Variants in LRRTM4 observed in about 807,000 individuals in gnomAD.
LRRTM4 encodes leucine-rich repeat transmembrane neuronal protein 4.
Under a neutral mutation model 47.6 loss-of-function variants are expected in LRRTM4, and 25 were observed. The ratio of observed to expected loss-of-function variants is 0.53; its 90% CI spans 0.38 to 0.73. The LOEUF is 0.73. Among genes scored for constraint, LRRTM4 ranks in the 30% least tolerant of loss-of-function variants. The pLI, the probability that LRRTM4 is intolerant of heterozygous loss-of-function variation, is 0.00. For synonymous variants in LRRTM4, 311 were observed against 269.5 expected, an observed-to-expected ratio of 1.15 and a Z score of -1.51; for missense variants, 638 against 713.4, an observed-to-expected ratio of 0.89 and a Z score of 1.20.
At chr2:76,755,408 T>C (rs185633136) in intron 3 of LRRTM4, among the ~76,000 whole-genome samples, 2 of 152,280 alleles carry the variant, frequency 1.3e-5, no homozygotes, top group Admixed American at 1.3e-4. Context: ...TGATCTGTGA[T>C]TACTAACTCC....
intron 3 of LRRTM4, among the ~76,000 whole-genome samples, chr2:76,782,303 A>G (rs1205124664): frequency 6.6e-6 from 1 of 152,230 alleles, no homozygotes; most frequent in African/African-American, 2.4e-5. Flanking sequence ...AACTACAGCT[A>G]CAGATCTAAA....
chr2:77,026,517 G>A (rs1678459469), intron 3 of LRRTM4, among the ~76,000 whole-genome samples: 1 of 151,964 alleles, frequency 6.6e-6, no homozygotes, highest in South Asian at 2.1e-4. Context: ...ATTTTAAATT[G>A]TATTGCATAT....
At chr2:76,894,523 C>A (rs996949865) in intron 3 of LRRTM4, among the ~76,000 whole-genome samples, 1 of 152,014 alleles carries the variant, frequency 6.6e-6, no homozygotes, top group Non-Finnish European at 1.5e-5. Flanking sequence ...TAGCCAAAAA[C>A]AACAGGTCAG....
At chr2:76,908,943 C>T (rs1573297086) in intron 3 of LRRTM4, among the ~76,000 whole-genome samples, 1 of 152,106 alleles carries the variant, frequency 6.6e-6, no homozygotes. Context: ...GATTCAATGC[C>T]ATCCCCATCA....
chr2:76,761,951 C>A (rs72917772), intron 3 of LRRTM4, among the ~76,000 whole-genome samples: 2,124 of 152,228 alleles, frequency 0.014, 53 homozygotes, highest in African/African-American at 0.047. Context: ...TCACATAATT[C>A]ATGAAATTCG....
At chr2:77,267,295 T>TA in intron 3 of LRRTM4, among the ~76,000 whole-genome samples, 1 of 152,198 alleles carries the variant, frequency 6.6e-6, no homozygotes, top group East Asian at 1.9e-4. Flanking sequence ...GGGTAATTTA[T>TA]AACAATAGAG....
At chr2:76,808,445 G>GGA (rs1553412924) in intron 3 of LRRTM4, among the ~76,000 whole-genome samples, 3 of 147,204 alleles carry the variant, frequency 2.0e-5, no homozygotes, top group Admixed American at 6.7e-5. Flanking sequence ...TTGATTTTGG[G>GGA]AAAAAAAAAA....
chr2:76,782,449 T>C lies in LRRTM4; in HGVS notation c.1552-33533A>G, dbSNP rs146803501. Among the ~76,000 whole-genome samples the C allele has an allele frequency of 4.4e-3, 676 of 152,316 alleles. 7 individuals are homozygous for C. The highest frequency in any genetic ancestry group is 0.016 in the African/African-American group (645 of 41,564). Reference sequence around the variant, plus strand: ...TTATTTAAGGTTTACGATATTGCACTAAACATGTTTTAAGCAAATATTCAC... The same window carrying C: ...TTATTTAAGGTTTACGATATTGCACCAAACATGTTTTAAGCAAATATTCAC... On this transcript the variant is annotated intron_variant, in intron 3 of 3. Transcript: ENST00000409884.
chr2:77,020,162 G>T (rs780551060), intron 3 of LRRTM4, among the ~76,000 whole-genome samples: 1 of 132,614 alleles, frequency 7.5e-6, no homozygotes, highest in Non-Finnish European at 1.5e-5. Context: ...GAAATTTTCA[G>T]TTTATAAGTA....
Position 77,421,706 on chromosome 2 carries a change from C to CAA in LRRTM4, c.1551+96610_1551+96611dup, listed in dbSNP as rs1292134203. On this transcript the variant is annotated intron_variant, in intron 3 of 3. Coordinates refer to ENST00000409884, the MANE Select transcript of LRRTM4 (RefSeq NM_001134745.3). Reference sequence around the variant, plus strand: ...TGGGCGGCAGAGGGAGACTCCATCTCAAAAAAAAAAAGGAAGAGTCCAGAC... The same window carrying CAA: ...TGGGCGGCAGAGGGAGACTCCATCTCAAAAAAAAAAAAAGGAAGAGTCCAGAC... 9.0e-3 allele frequency among the ~76,000 whole-genome samples: 1,253 copies of CAA among 139,516 alleles called. 20 individuals are homozygous for CAA. The highest frequency in any genetic ancestry group is 0.031 in the African/African-American group (1,196 of 38,446). The allele number at this position is 139,516 out of a possible 152,430, so 91.5% of individuals were successfully genotyped here.
At chr2:77,167,374 C>A (rs1193616537) in intron 3 of LRRTM4, among the ~76,000 whole-genome samples, 1 of 152,126 alleles carries the variant, frequency 6.6e-6, no homozygotes, top group Admixed American at 6.6e-5. Flanking sequence ...CTAGTTCAAC[C>A]ATTGTGGAAG....
intron 3 of LRRTM4, among the ~76,000 whole-genome samples, chr2:76,887,089 G>C (rs984516569): frequency 6.6e-6 from 1 of 151,640 alleles, no homozygotes; most frequent in Non-Finnish European, 1.5e-5. Context: ...GCTAATACGA[G>C]AATGCACAGA....
At chr2:77,271,676 AATT>A (rs1415287097) in intron 3 of LRRTM4, among the ~76,000 whole-genome samples, 15 of 152,194 alleles carry the variant, frequency 9.9e-5, no homozygotes, top group African/African-American at 2.9e-4. Flanking sequence ...TTCCCCCTCT[AATT>A]AACTTTCCAG....
chr2:77,073,345 ATTC>A (rs1374219975), intron 3 of LRRTM4, among the ~76,000 whole-genome samples: 6 of 152,104 alleles, frequency 3.9e-5, no homozygotes, highest in Non-Finnish European at 7.4e-5. Flanking sequence ...ATACTATCCA[ATTC>A]TTCTTACTTA....
At chr2:76,910,080 AG>A (rs1216590616) in intron 3 of LRRTM4, among the ~76,000 whole-genome samples, 3 of 152,154 alleles carry the variant, frequency 2.0e-5, no homozygotes, top group Non-Finnish European at 4.4e-5. Flanking sequence ...ACAATAGCAA[AG>A]ACTTGGAACC....
At chr2:76,998,952 T>A (rs898383417) in intron 3 of LRRTM4, among the ~76,000 whole-genome samples, 1 of 151,922 alleles carries the variant, frequency 6.6e-6, no homozygotes, top group Non-Finnish European at 1.5e-5. Flanking sequence ...ATAAGAACTG[T>A]AACTACTCGC....
chr2:77,401,043 G>A (rs1297876363), intron 3 of LRRTM4, among the ~76,000 whole-genome samples: 1 of 151,854 alleles, frequency 6.6e-6, no homozygotes, highest in Middle Eastern at 3.2e-3. Context: ...ATAAGTAATT[G>A]CAACAGCGAC....
chr2:77,293,621 A>G (rs1296989458), intron 3 of LRRTM4, among the ~76,000 whole-genome samples: 5 of 152,146 alleles, frequency 3.3e-5, no homozygotes, highest in Non-Finnish European at 5.9e-5. Context: ...ACGAACATAC[A>G]TATTTTTGTG....
intron 3 of LRRTM4, among the ~76,000 whole-genome samples, chr2:76,910,573 T>C (rs971874635): frequency 6.6e-6 from 1 of 152,198 alleles, no homozygotes; most frequent in Non-Finnish European, 1.5e-5. Flanking sequence ...ATGTCAGGGA[T>C]TGATGGAATC....
Sources: allele counts gnomAD v4.1 joint callset (sites outside exome capture counted in the v4.1 genomes callset), GRCh38; gene constraint gnomAD v4.1.1; transcripts MANE v1.5; gene names NCBI Gene and HGNC (gene_info 2026-07-23, HGNC 2026-07-21).